Variants in KCTD16 observed in about 807,000 individuals in gnomAD.
KCTD16 encodes the protein BTB/POZ domain-containing protein KCTD16.
In KCTD16, 13 loss-of-function variants were observed where a neutral mutation model predicts 33.2. The observed-to-expected ratio is 0.39, with a 90% confidence interval of 0.25 to 0.62. The LOEUF (loss-of-function observed/expected upper bound fraction) is 0.62, where lower values mean the gene tolerates loss of function less well. Ranked by LOEUF, KCTD16 falls within the 20% of genes least tolerant of loss-of-function variation. KCTD16 has a pLI of 0.50. For missense variants in KCTD16, 441 were observed against 525.1 expected (o/e 0.84, Z 1.57); for synonymous variants, 197 against 195.3 (o/e 1.01, Z -0.07).
intron 3 of KCTD16, among the ~76,000 whole-genome samples, chr5:144,279,689 A>G (rs777534097): frequency 6.6e-6 from 1 of 152,218 alleles, no homozygotes; most frequent in African/African-American, 2.4e-5. Context: ...TTTTATAACA[A>G]ATCCACTCTA....
intron 3 of KCTD16, among the ~76,000 whole-genome samples, chr5:144,241,098 A>G (rs1192893651): frequency 6.6e-6 from 1 of 152,116 alleles, no homozygotes; most frequent in East Asian, 1.9e-4. Context: ...GAAATCATGC[A>G]TGGTGCTTGA....
intron 3 of KCTD16, chr5:144,384,182 A>G (rs1752275703): frequency 6.6e-6 from 1 of 152,212 alleles, no homozygotes; most frequent in Non-Finnish European, 1.5e-5. Flanking sequence ...CAGATCAGGT[A>G]GCAAGTGATG....
Position 144,474,046 on chromosome 5 carries a change from A to C in KCTD16, c.1219A>C (p.Ile407Leu). The change falls in exon 4 of 4, where the codon ATT becomes CTT. Residue 407 changes from isoleucine (I) to leucine (L), a missense_variant. Ile to Leu is a conservative substitution (Grantham distance 5). This residue lies in a region of KCTD16 where 355 missense variants were observed against 413.0 expected (regional missense o/e 0.86). Coordinates refer to ENST00000512467, the MANE Select transcript of KCTD16 (RefSeq NM_020768.4). Reference protein sequence around the residue: ...KCIQDFLKIKIPDRFPERKHP... With the variant: ...KCIQDFLKIKLPDRFPERKHP... ...TATCCAGGATTTCCTAAAAATCAAA[A>C]TTCCAGATCGGTTTCCTGAGAGAAA... 6.2e-7 allele frequency: 1 copy of C among 1,613,884 alleles called. No individual in the cohort carries two copies. Among genetic ancestry groups the C allele is most frequent in the Non-Finnish European group, 8.5e-7 (1 of 1,179,916 alleles).
intron 3 of KCTD16, among the ~76,000 whole-genome samples, chr5:144,297,069 T>C (rs1756057534): frequency 6.6e-6 from 1 of 152,212 alleles, no homozygotes; most frequent in Non-Finnish European, 1.5e-5. Flanking sequence ...TTAAACGTAA[T>C]AGGAATGGAA....
chr5:144,236,070 G>A (rs1754244691), intron 3 of KCTD16, among the ~76,000 whole-genome samples: 1 of 152,058 alleles, frequency 6.6e-6, no homozygotes, highest in Non-Finnish European at 1.5e-5. Flanking sequence ...AGACAACAAA[G>A]CATCTACCAA....
At chr5:144,189,610 A>C (rs1394747212) in intron 2 of KCTD16, among the ~76,000 whole-genome samples, 1 of 152,210 alleles carries the variant, frequency 6.6e-6, no homozygotes, top group East Asian at 1.9e-4. Context: ...ACCTAGGTTA[A>C]GAATGGAGGC....
intron 3 of KCTD16, among the ~76,000 whole-genome samples, chr5:144,277,728 G>A (rs146467941): frequency 6.6e-6 from 1 of 152,198 alleles, no homozygotes; most frequent in Non-Finnish European, 1.5e-5. Context: ...TTTAATAGGT[G>A]TGTAGTTATA....
At chr5:144,310,759 G>T in intron 3 of KCTD16, among the ~76,000 whole-genome samples, 1 of 152,008 alleles carries the variant, frequency 6.6e-6, no homozygotes, top group Non-Finnish European at 1.5e-5. Flanking sequence ...ACTTTATGTA[G>T]CTGTGAGGGG....
At chr5:144,237,777 A>G (rs901351975) in intron 3 of KCTD16, among the ~76,000 whole-genome samples, 10 of 152,122 alleles carry the variant, frequency 6.6e-5, no homozygotes, top group African/African-American at 2.4e-4. Flanking sequence ...CATGTAAGTT[A>G]TAAGTCCCAC....
chr5:144,221,316 G>A (rs980109071), intron 3 of KCTD16, among the ~76,000 whole-genome samples: 4 of 152,090 alleles, frequency 2.6e-5, no homozygotes, highest in Non-Finnish European at 5.9e-5. Context: ...TGTGCAGAAC[G>A]TGCAGGTTTG....
intron 3 of KCTD16, among the ~76,000 whole-genome samples, chr5:144,316,226 A>G (rs1226909756): frequency 6.6e-6 from 1 of 152,112 alleles, no homozygotes; most frequent in Non-Finnish European, 1.5e-5. Context: ...GGGACTTACT[A>G]GGCTCTAAGC....
chr5:144,428,107 C>A (rs1420360124), intron 3 of KCTD16, among the ~76,000 whole-genome samples: 1 of 152,128 alleles, frequency 6.6e-6, no homozygotes, highest in Admixed American at 6.6e-5. Context: ...CTTTGTTACA[C>A]CCCATAGAAG....
chr5:144,175,950 C>G (rs962441832), intron 2 of KCTD16, among the ~76,000 whole-genome samples: 1 of 152,144 alleles, frequency 6.6e-6, no homozygotes, highest in Admixed American at 6.6e-5. Flanking sequence ...TATAAACATT[C>G]ACTCTATTGT....
At chr5:144,298,513 A>G (rs1756111765) in intron 3 of KCTD16, among the ~76,000 whole-genome samples, 1 of 152,150 alleles carries the variant, frequency 6.6e-6, no homozygotes, top group East Asian at 1.9e-4. Context: ...TAGGTACTCA[A>G]TTGTGACAGT....
At chr5:144,197,604 G>T in intron 2 of KCTD16, among the ~76,000 whole-genome samples, 1 of 152,180 alleles carries the variant, frequency 6.6e-6, no homozygotes, top group East Asian at 1.9e-4. Flanking sequence ...ATCTATGCTG[G>T]ATTGTGTTGG....
intron 3 of KCTD16, among the ~76,000 whole-genome samples, chr5:144,263,452 C>T (rs144472259): frequency 2.6e-4 from 40 of 152,202 alleles, no homozygotes; most frequent in Admixed American, 1.9e-3. Flanking sequence ...ATGTTAGAAT[C>T]GGAGCCTTTG....
intron 2 of KCTD16, among the ~76,000 whole-genome samples, chr5:144,180,332 C>T (rs1258967879): frequency 2.6e-5 from 4 of 152,138 alleles, no homozygotes; most frequent in African/African-American, 9.7e-5. Flanking sequence ...TCCATGCCAA[C>T]AGGACTCCAC....
rs530446253 is a variant in KCTD16 at position 144,224,383 on chromosome 5, G to GTTTTT, written c.832+16854_832+16858dup. ...TATTTTTATTGGATCAATATAATGT[G>GTTTTT]TTTTTTTTTTTTTTTTTTTTTCCTC... is the stretch of plus-strand genomic sequence containing the variant. On this transcript the variant is annotated intron_variant, in intron 3 of 3. Coordinates refer to ENST00000512467, the MANE Select transcript of KCTD16 (RefSeq NM_020768.4). Among the ~76,000 whole-genome samples the GTTTTT allele has an allele frequency of 1.7e-3, 171 of 100,204 alleles. 2 individuals carry two copies. Among genetic ancestry groups the GTTTTT allele is most frequent in the Non-Finnish European group, 2.0e-3 (106 of 52,500 alleles). The allele number at this position is 100,204 out of a possible 152,430, so 65.7% of individuals were successfully genotyped here. A position where few individuals can be genotyped will look rare whatever the true frequency, so the allele number is the denominator to read the frequency against.
chr5:144,186,814 T>C (rs1421765792), intron 2 of KCTD16, among the ~76,000 whole-genome samples: 1 of 152,200 alleles, frequency 6.6e-6, no homozygotes, highest in Non-Finnish European at 1.5e-5. Flanking sequence ...CTCAGTTTTC[T>C]CAGCTGAATA....
Sources: gnomAD v4.1 joint callset for allele counts (sites outside exome capture counted in the v4.1 genomes callset) on GRCh38, gnomAD v4.1.1 for gene constraint, gnomAD v4.1.1 regional missense constraint, MANE v1.5 for transcripts, NCBI Gene and HGNC (gene_info 2026-07-23, HGNC 2026-07-21) for gene names.